The following KCNQ1 variants were observed in gnomAD, a reference collection of about 807,000 sequenced individuals.
The protein encoded by KCNQ1 is potassium voltage-gated channel subfamily Q member 1.
A neutral mutation model predicts 72.4 loss-of-function variants in KCNQ1; 49 were observed. The ratio of observed to expected loss-of-function variants is 0.68; its 90% CI spans 0.54 to 0.86. KCNQ1 has a LOEUF of 0.86. Ranked by LOEUF, KCNQ1 falls within the 40% of genes least tolerant of loss-of-function variation. KCNQ1 has a pLI of 0.00. For missense variants in KCNQ1, 790 were observed against 945.1 expected (o/e 0.84, Z 2.15); for synonymous variants, 450 against 412.6 (o/e 1.09, Z -1.10).
chr11:2,625,727 G>A lies in KCNQ1; in HGVS notation c.1394-36234G>A, dbSNP rs564811878. 1.5e-3 allele frequency: 582 copies of A among 397,236 alleles called. 3 individuals are homozygous for A. The highest frequency in any genetic ancestry group is 0.01 in the African/African-American group (501 of 48,584). 24.6% of individuals were successfully genotyped at this position (397,236 alleles called of 1,614,324 possible). ...TGGGACTACAGGCGCCCACCACCAC[G>A]CCTGGCTAATTTTTTGTATTTTTAG... is the stretch of plus-strand genomic sequence containing the variant. On this transcript the variant is annotated intron_variant, in intron 10 of 15. Transcript: ENST00000155840.
intron 11 of KCNQ1, among the ~76,000 whole-genome samples, chr11:2,737,003 C>T (rs562700799): frequency 1.7e-4 from 26 of 152,310 alleles, no homozygotes; most frequent in Non-Finnish European, 2.5e-4. Context: ...GAGTGCCCCT[C>T]GCCAGCACTC....
In KCNQ1 at chr11:2,567,243, T is replaced by A. The variant is rs949621345; in HGVS notation, c.478-3385T>A. 1.3e-5 allele frequency among the ~76,000 whole-genome samples: 2 copies of A among 152,118 alleles called. No homozygotes were observed. Among genetic ancestry groups the A allele is most frequent in the African/African-American group, 4.8e-5 (2 of 41,414 alleles). On this transcript the variant is annotated intron_variant, in intron 2 of 15. Transcript: ENST00000155840. The surrounding 1 kb of genome is among the most constrained non-coding windows in gnomAD (Gnocchi z 6.6). ...GGGAGGAGCTTGAGGCCCCTTTAGT[T>A]CACCTTTGGAACTTAGGACCAAGTC... is the stretch of plus-strand genomic sequence containing the variant.
intron 6 of KCNQ1, among the ~76,000 whole-genome samples, chr11:2,581,074 G>A (rs1313832607): frequency 6.6e-6 from 1 of 152,200 alleles, no homozygotes; most frequent in African/African-American, 2.4e-5. Flanking sequence ...AGGGGTGAGT[G>A]TCCCCCCAAA....
At position 2,471,731 on chromosome 11, in the gene KCNQ1, T is replaced by C. The variant is rs553232087; in HGVS notation, c.386+26247T>C. Among the ~76,000 whole-genome samples, 13 of 146,040 alleles carry C rather than the reference T, an allele frequency of 8.9e-5. No homozygotes were observed. The East Asian group carries it at 2.6e-3, about 29-fold the overall frequency. ...GTGTGTGTATGTGTGCATGGGCGTG[T>C]GTATGTGTGCATGGGCGTGTGTGTA... On this transcript the variant is annotated intron_variant, in intron 1 of 15. Transcript: ENST00000155840. This position sits in a 1 kb window ranked among gnomAD's most constrained non-coding sequence, Gnocchi z 4.8.
Position 2,599,902 on chromosome 11 carries a change from A to G in KCNQ1, c.1393+11048A>G, listed in dbSNP as rs369456072. Among the ~76,000 whole-genome samples, 13 of 152,390 alleles carry G rather than the reference A, an allele frequency of 8.5e-5. No homozygotes were observed. The East Asian group carries it at 1.7e-3, about 20-fold the overall frequency. ...GTCACGTGCCGAGGTATTAAAGACC[A>G]GGGCTTCAACTGCAAACCTTGTGGG... On this transcript the variant is annotated intron_variant, in intron 10 of 15. Coordinates refer to ENST00000155840, the MANE Select transcript of KCNQ1 (RefSeq NM_000218.3). This position sits in a 1 kb window ranked among gnomAD's most constrained non-coding sequence, Gnocchi z 4.7.
chr11:2,669,352 A>C lies in KCNQ1; in HGVS notation c.1514+7271A>C. On this transcript the variant is annotated intron_variant, in intron 11 of 15. Transcript: ENST00000155840. The surrounding 1 kb of genome is among the most constrained non-coding windows in gnomAD (Gnocchi z 5.6). ...TAGGCGCAGCAGCCTCTAGATGGGC[A>C]TGGGAGAATGGGTATCCTTATAGTT... is the stretch of plus-strand genomic sequence containing the variant. 2.5e-6 allele frequency: 1 copy of C among 398,640 alleles called. No individual in the cohort carries two copies. Among genetic ancestry groups the C allele is most frequent in the Non-Finnish European group, 4.4e-6 (1 of 226,074 alleles). 24.7% of individuals were successfully genotyped at this position (398,640 alleles called of 1,614,324 possible).
rs769757588 is a variant in KCNQ1, at chr11:2,626,690, G to C, written c.1394-35271G>C. 1 of 397,486 alleles carries C rather than the reference G, an allele frequency of 2.5e-6. No individual in the cohort carries two copies. The highest frequency in any genetic ancestry group is 4.4e-6 in the Non-Finnish European group (1 of 226,010). The allele number at this position is 397,486 out of a possible 1,614,324, so 24.6% of individuals were successfully genotyped here. ...AATAGAAGTGTGTACCATTACACCT[G>C]GCCAATTATTTTATTTTTTGTAGAG... On this transcript the variant is annotated intron_variant, in intron 10 of 15. Transcript: ENST00000155840. This position sits in a 1 kb window ranked among gnomAD's most constrained non-coding sequence, Gnocchi z 4.0.
intron 1 of KCNQ1, among the ~76,000 whole-genome samples, chr11:2,502,278 G>A (rs1015487585): frequency 6.6e-6 from 1 of 152,066 alleles, no homozygotes; most frequent in Non-Finnish European, 1.5e-5. Flanking sequence ...AGATGATGTG[G>A]TCTTATATTT....
chr11:2,728,699 T>C (rs1447797691), intron 11 of KCNQ1, among the ~76,000 whole-genome samples: 4 of 152,014 alleles, frequency 2.6e-5, no homozygotes, highest in African/African-American at 9.7e-5. Context: ...TGGCCCAGAG[T>C]GCCAGGGGGA....
chr11:2,758,431 G>A (rs1468121833), intron 11 of KCNQ1, among the ~76,000 whole-genome samples: 2 of 152,152 alleles, frequency 1.3e-5, no homozygotes, highest in Non-Finnish European at 1.5e-5. Flanking sequence ...GTGGAGAAAC[G>A]GGATTGCCCA....
chr11:2,797,767 T>A (rs1003077176), intron 15 of KCNQ1, among the ~76,000 whole-genome samples: 37 of 152,172 alleles, frequency 2.4e-4, no homozygotes, highest in Admixed American at 2.4e-3. Context: ...CTGCACTCCC[T>A]CCCCTGGGAG....
chr11:2,470,696 CAGTT>C (rs765617900), intron 1 of KCNQ1, among the ~76,000 whole-genome samples: 90 of 120,004 alleles, frequency 7.5e-4, no homozygotes, highest in Middle Eastern at 4.2e-3. Context: ...GGGATCCACT[CAGTT>C]AGGTGGGGGG....
intron 15 of KCNQ1, among the ~76,000 whole-genome samples, chr11:2,834,060 G>A (rs955427679): frequency 7.2e-5 from 11 of 152,222 alleles, no homozygotes; most frequent in Non-Finnish European, 1.2e-4. Flanking sequence ...AGAGGCTTAG[G>A]TCCCCTTACA....
intron 8 of KCNQ1, among the ~76,000 whole-genome samples, chr11:2,585,954 G>A (rs1012011458): frequency 6.6e-6 from 1 of 152,286 alleles, no homozygotes; most frequent in African/African-American, 2.4e-5. Flanking sequence ...CCAGAGAATG[G>A]GACTGCTCTG....
At chr11:2,744,691 C>T (rs749044587) in intron 11 of KCNQ1, among the ~76,000 whole-genome samples, 7 of 152,326 alleles carry the variant, frequency 4.6e-5, no homozygotes, top group South Asian at 4.1e-4. Flanking sequence ...TTCTAAATTA[C>T]GGTGTACCGA....
At position 2,460,574 on chromosome 11, in the gene KCNQ1, G is replaced by A. The variant is rs974240579; in HGVS notation, c.386+15090G>A. 6.4e-5 allele frequency among the ~76,000 whole-genome samples: 9 copies of A among 140,980 alleles called. 1 individual carries two copies. Among genetic ancestry groups the A allele is most frequent in the Admixed American group, 7.3e-5 (1 of 13,698 alleles). The allele number at this position is 140,980 out of a possible 152,430, so 92.5% of individuals were successfully genotyped here. Reference sequence around the variant, plus strand: ...GCTCCAGTCTGTGTCCATGTGTTTTGGAGGCCTCTCAGGTACAGGGACTGT... The same window carrying A: ...GCTCCAGTCTGTGTCCATGTGTTTTAGAGGCCTCTCAGGTACAGGGACTGT... On this transcript the variant is annotated intron_variant, in intron 1 of 15. Coordinates refer to ENST00000155840, the MANE Select transcript of KCNQ1 (RefSeq NM_000218.3).
chr11:2,576,474 C>G (rs192805668), intron 6 of KCNQ1, among the ~76,000 whole-genome samples: 8 of 152,352 alleles, frequency 5.3e-5, no homozygotes, highest in African/African-American at 1.9e-4. Flanking sequence ...CAAACACGGG[C>G]TTCTCTGTTC....
chr11:2,813,910 G>T lies in KCNQ1; in HGVS notation c.1795-33857G>T, dbSNP rs1011475089. ...ATGCGTGGAAGGATGGTTGATGGAT[G>T]GATGGTTAGATGGATGAAGAGATAG... On this transcript the variant is annotated intron_variant, in intron 15 of 15. Coordinates refer to ENST00000155840, the MANE Select transcript of KCNQ1 (RefSeq NM_000218.3). This position sits in a 1 kb window ranked among gnomAD's most constrained non-coding sequence, Gnocchi z 4.4. 1.3e-5 allele frequency among the ~76,000 whole-genome samples: 2 copies of T among 152,072 alleles called. No individual in the cohort carries two copies. Among genetic ancestry groups the T allele is most frequent in the African/African-American group, 4.8e-5 (2 of 41,392 alleles).
At chr11:2,499,463 T>G (rs1846973020) in intron 1 of KCNQ1, among the ~76,000 whole-genome samples, 1 of 150,924 alleles carries the variant, frequency 6.6e-6, no homozygotes, top group Admixed American at 6.6e-5. Context: ...GTATCAATAA[T>G]AATATTAAAT....
Sources: allele counts gnomAD v4.1 joint callset (sites outside exome capture counted in the v4.1 genomes callset), GRCh38; gene constraint gnomAD v4.1.1; non-coding constraint Gnocchi (gnomAD v3.1); transcripts MANE v1.5; gene names NCBI Gene and HGNC (gene_info 2026-07-23, HGNC 2026-07-21).